Variants in DYNAP observed in about 807,000 individuals in gnomAD.
DYNAP encodes the protein dynactin-associated protein.
In DYNAP, 7 loss-of-function variants were observed where a neutral mutation model predicts 8.5. The ratio of observed to expected loss-of-function variants is 0.82; its 90% CI spans 0.47 to 1.54. DYNAP has a LOEUF of 1.54. Ranked by LOEUF, DYNAP falls within the 40% of genes most tolerant of loss-of-function variation. The probability of loss-of-function intolerance (pLI) is 0.01; values close to 1 mark genes in which losing one functional copy is unlikely to be tolerated. For synonymous variants in DYNAP, 77 were observed against 77.9 expected, an observed-to-expected ratio of 0.99 and a Z score of 0.06; for missense variants, 256 against 224.3, an observed-to-expected ratio of 1.14 and a Z score of -0.90.
At chr18:54,594,049 TC>T (rs1911188552) in intron 1 of DYNAP, among the ~76,000 whole-genome samples, 1 of 152,138 alleles carries the variant, frequency 6.6e-6, no homozygotes, top group Non-Finnish European at 1.5e-5. Context: ...ACACACCCCT[TC>T]CCTAAAGTCT....
At chr18:54,590,326 T>C (rs1911021171), upstream of DYNAP, among the ~76,000 whole-genome samples, 1 of 152,202 alleles carries the variant, frequency 6.6e-6, no homozygotes, top group Non-Finnish European at 1.5e-5. Context: ...ATCTGTGTTG[T>C]AGCAAATCAT....
the DYNAP span, among the ~76,000 whole-genome samples, chr18:54,577,472 T>A: frequency 0.098 from 14,888 of 151,468 alleles, 1,338 homozygotes; most frequent in African/African-American, 0.24. Flanking sequence ...TCCCAGCTAC[T>A]TGGGAAGCTG....
rs1911410008 is a variant in DYNAP, at chr18:54,598,504, T to C, written c.*359T>C. 1 of 198,058 alleles carries C rather than the reference T, an allele frequency of 5.0e-6. No individual in the cohort carries two copies. Among genetic ancestry groups the C allele is most frequent in the African/African-American group, 2.3e-5 (1 of 43,572 alleles). The allele number at this position is 198,058 out of a possible 1,614,324, so 12.3% of individuals were successfully genotyped here. The stretch of plus-strand genomic sequence containing the variant: ...AATGTATAATCTCCACCTATTCATC[T>C]GAGGACTAAGCTCTGATTTTTCATC... On this transcript the variant is annotated 3_prime_UTR_variant, in exon 3 of 3. Coordinates refer to ENST00000648945, the MANE Select transcript of DYNAP (RefSeq NM_173629.3).
chr18:54,581,780 C>T, the DYNAP span, among the ~76,000 whole-genome samples: 1 of 152,018 alleles, frequency 6.6e-6, no homozygotes, highest in Admixed American at 6.5e-5. Flanking sequence ...AAAGGAAAAA[C>T]TTATTTTCAA....
At position 54,597,863 on chromosome 18, in the gene DYNAP, TTGTCTCTTAGCCTGTGTGATAA is replaced by T; in HGVS notation, c.276_297del (p.Cys92Ter). ...GGTCTATGTGGAAAGTCTTCCTGGC[TTGTCTCTTAGCCTGTGTGATAA>T]TGACAGCAATTGGAGTACTTATAAT... On this transcript the variant is annotated frameshift_variant, in exon 3 of 3. Transcript: ENST00000648945. LOFTEE classifies it low-confidence loss of function (END_TRUNC). The T allele has an allele frequency of 1.9e-6, 3 of 1,613,424 alleles. No individual in the cohort carries two copies. Among genetic ancestry groups the T allele is most frequent in the Non-Finnish European group, 2.5e-6 (3 of 1,179,560 alleles).
chr18:54,580,598 TGTG>T, the DYNAP span, among the ~76,000 whole-genome samples: 1 of 152,212 alleles, frequency 6.6e-6, no homozygotes, highest in Admixed American at 6.5e-5. Flanking sequence ...GAAATTACAA[TGTG>T]GTGGCCTCCT....
chr18:54,595,162 C>A, intron 2 of DYNAP, 59 bp downstream of exon 2: 1 of 1,474,994 alleles, frequency 6.8e-7, no homozygotes, highest in South Asian at 1.5e-5. Flanking sequence ...TGGGCATGTA[C>A]TTTGCCTATT....
At chr18:54,579,011 G>A in the DYNAP span, among the ~76,000 whole-genome samples, 1 of 152,074 alleles carries the variant, frequency 6.6e-6, no homozygotes, top group East Asian at 1.9e-4. Context: ...ATGCTAGCCA[G>A]GTTGGTCTCA....
At chr18:54,580,894 A>G in the DYNAP span, among the ~76,000 whole-genome samples, 1 of 152,234 alleles carries the variant, frequency 6.6e-6, no homozygotes, top group African/African-American at 2.4e-5. Flanking sequence ...TAATTTTTCT[A>G]AAATTTCAGA....
chr18:54,592,064 G>T (rs1448212204), intron 1 of DYNAP, among the ~76,000 whole-genome samples: 1 of 152,148 alleles, frequency 6.6e-6, no homozygotes, highest in Non-Finnish European at 1.5e-5. Flanking sequence ...GTCATATGGA[G>T]CTGTGGTAAT....
upstream of DYNAP, among the ~76,000 whole-genome samples, chr18:54,586,494 G>A (rs1050394718): frequency 1.5e-4 from 23 of 152,110 alleles, no homozygotes; most frequent in Non-Finnish European, 2.5e-4. Flanking sequence ...CACCACCCTG[G>A]CCATGCTTCC....
upstream of DYNAP, among the ~76,000 whole-genome samples, chr18:54,584,897 G>T (rs1243722815): frequency 6.6e-6 from 1 of 152,198 alleles, no homozygotes; most frequent in African/African-American, 2.4e-5. Context: ...AATAGTGCAG[G>T]ATGGGGATTC....
At chr18:54,584,023 A>G (rs1910797836), upstream of DYNAP, among the ~76,000 whole-genome samples, 2 of 152,220 alleles carry the variant, frequency 1.3e-5, no homozygotes, top group East Asian at 3.9e-4. Flanking sequence ...AGGGTGAAAG[A>G]AAAAGTGAAA....
the DYNAP span, among the ~76,000 whole-genome samples, chr18:54,578,064 G>A: frequency 4.6e-5 from 7 of 152,244 alleles, no homozygotes; most frequent in East Asian, 9.6e-4. Context: ...CTGAGTCAAG[G>A]CAAGCTGCTC....
the DYNAP span, among the ~76,000 whole-genome samples, chr18:54,582,621 C>T: frequency 6.6e-6 from 1 of 152,206 alleles, no homozygotes; most frequent in Non-Finnish European, 1.5e-5. Context: ...CTTTGAGCCT[C>T]TACCGTATAC....
At chr18:54,586,615 C>A (rs1019269551), upstream of DYNAP, among the ~76,000 whole-genome samples, 7 of 152,160 alleles carry the variant, frequency 4.6e-5, no homozygotes, top group African/African-American at 1.7e-4. Context: ...TTGTCTTTCC[C>A]TTTTCCCCCC....
upstream of DYNAP, among the ~76,000 whole-genome samples, chr18:54,590,564 A>G (rs1911030005): frequency 6.6e-6 from 1 of 152,212 alleles, no homozygotes; most frequent in African/African-American, 2.4e-5. Context: ...AACTTTCTGC[A>G]CTACAAACAT....
the DYNAP span, among the ~76,000 whole-genome samples, chr18:54,578,336 G>T: frequency 6.6e-6 from 1 of 152,182 alleles, no homozygotes; most frequent in Admixed American, 6.5e-5. Context: ...ATTGGTTTTC[G>T]TGTTACTTAT....
the DYNAP span, among the ~76,000 whole-genome samples, chr18:54,582,210 C>T: frequency 1.3e-5 from 2 of 151,636 alleles, no homozygotes; most frequent in South Asian, 4.1e-4. Context: ...GGTGTGAACC[C>T]GGGAGGTGGA....
Sources: gnomAD v4.1 joint callset for allele counts (sites outside exome capture counted in the v4.1 genomes callset) on GRCh38, gnomAD v4.1.1 for gene constraint, MANE v1.5 for transcripts, NCBI Gene and HGNC (gene_info 2026-07-23, HGNC 2026-07-21) for gene names.